SEM1: variants seen among roughly 807,000 people sequenced by gnomAD.
The protein encoded by SEM1 is 26S proteasome complex subunit SEM1.
Under a neutral mutation model 12.7 loss-of-function variants are expected in SEM1, and 3 were observed. The observed-to-expected ratio is 0.24, with a 90% CI of 0.11 to 0.61. SEM1 has a LOEUF of 0.61. Among genes scored for constraint, SEM1 ranks in the 20% least tolerant of loss-of-function variants. The probability of loss-of-function intolerance (pLI) is 0.88; values close to 1 mark genes in which losing one functional copy is unlikely to be tolerated. For missense variants in SEM1, 59 were observed against 81.3 expected, an observed-to-expected ratio of 0.73 and a Z score of 1.06; for synonymous variants, 30 against 27.8, an observed-to-expected ratio of 1.08 and a Z score of -0.25.
At chr7:96,705,266 T>C (rs775303464) in intron 1 of SEM1, among the ~76,000 whole-genome samples, 1 of 151,352 alleles carries the variant, frequency 6.6e-6, no homozygotes, top group Non-Finnish European at 1.5e-5. Flanking sequence ...AGAAAAAGTA[T>C]AGAATACTTA....
intron 2 of SEM1, among the ~76,000 whole-genome samples, chr7:96,536,405 G>A (rs1804786245): frequency 6.6e-6 from 1 of 151,738 alleles, no homozygotes; most frequent in African/African-American, 2.4e-5. Flanking sequence ...ATTGGTAGGA[G>A]CATTCTATAG....
At chr7:96,583,068 G>A (rs1329293658) in intron 2 of SEM1, among the ~76,000 whole-genome samples, 1 of 152,062 alleles carries the variant, frequency 6.6e-6, no homozygotes, top group African/African-American at 2.4e-5. Flanking sequence ...TGATGTTAGG[G>A]TGTCAATTTG....
intron 2 of SEM1, among the ~76,000 whole-genome samples, chr7:96,607,974 G>A (rs755824390): frequency 5.9e-5 from 9 of 152,158 alleles, no homozygotes; most frequent in Non-Finnish European, 1.3e-4. Flanking sequence ...TCCCCTTGAG[G>A]GACTCAGGGG....
At chr7:96,615,241 C>T (rs10247031) in intron 2 of SEM1, among the ~76,000 whole-genome samples, 67,477 of 122,208 alleles carry the variant, frequency 0.55, 20,055 homozygotes, top group East Asian at 0.81. Flanking sequence ...TTTGAGTCAT[C>T]TTTTTTTTTT....
At chr7:96,622,394 T>G (rs1478216879), downstream of SEM1, 3 of 506,014 alleles carry the variant, frequency 5.9e-6, no homozygotes, top group Non-Finnish European at 1.1e-5. Context: ...TGAGAAAAAT[T>G]TCTCTTGTAT....
chr7:96,606,067 A>G (rs898081773), intron 2 of SEM1, among the ~76,000 whole-genome samples: 1 of 152,194 alleles, frequency 6.6e-6, no homozygotes, highest in Non-Finnish European at 1.5e-5. Flanking sequence ...ACAGTGCAAA[A>G]GTAGCAATGT....
chr7:96,699,143 A>G (rs1790193296), intron 1 of SEM1, among the ~76,000 whole-genome samples: 1 of 152,112 alleles, frequency 6.6e-6, no homozygotes, highest in Non-Finnish European at 1.5e-5. Flanking sequence ...CATATTCTTA[A>G]GACACGCATG....
chr7:96,510,559 T>C (rs556778576), intron 2 of SEM1, among the ~76,000 whole-genome samples: 4 of 152,306 alleles, frequency 2.6e-5, no homozygotes, highest in Non-Finnish European at 5.9e-5. Flanking sequence ...AGCATGGTTA[T>C]GTAACACATG....
Position 96,688,957 on chromosome 7 carries a change from T to C in SEM1, c.180A>G (p.Leu60=), listed in dbSNP as rs202151961. ...TCTCCATCTTATAACCATGTTTCTC[T>C]AGTTCAGCTCTAAGATAAAACAGAA... ...DDFSNQLRAE[L]EKHGYKMETS is the part of the protein sequence containing the mutation. The change falls in exon 3 of 3, where the codon CTA becomes CTG. Residue 60 remains leucine (L), a synonymous_variant. Transcript: ENST00000248566. 2.1e-5 allele frequency: 33 copies of C among 1,588,084 alleles called. No individual in the cohort carries two copies. The highest frequency in any genetic ancestry group is 2.9e-5 in the Non-Finnish European group (33 of 1,157,686).
intron 2 of SEM1, among the ~76,000 whole-genome samples, chr7:96,609,232 T>G (rs944834199): frequency 2.0e-5 from 3 of 152,184 alleles, no homozygotes; most frequent in Non-Finnish European, 1.5e-5. Flanking sequence ...AGTGTGCCAT[T>G]GCTTCTTAAT....
At chr7:96,571,011 G>T (rs1051389479) in intron 2 of SEM1, among the ~76,000 whole-genome samples, 1 of 149,152 alleles carries the variant, frequency 6.7e-6, no homozygotes, top group African/African-American at 2.5e-5. Context: ...GTCTTCTTCT[G>T]AGAAGTGGCT....
At chr7:96,486,250 C>A (rs1395596316) in exon 2 of SEM1, 1 of 1,536,922 alleles carries the variant, frequency 6.5e-7, no homozygotes, top group East Asian at 2.4e-5. Context: ...TGGGCATCTC[C>A]AAGTTTATCT....
chr7:96,611,512 G>A (rs1342170723), intron 2 of SEM1, among the ~76,000 whole-genome samples: 1 of 152,188 alleles, frequency 6.6e-6, no homozygotes, highest in Non-Finnish European at 1.5e-5. Flanking sequence ...TGCTTAGAGT[G>A]AAGAGGAAGG....
intron 2 of SEM1, among the ~76,000 whole-genome samples, chr7:96,587,096 T>G (rs6959014): frequency 6.6e-6 from 1 of 151,934 alleles, no homozygotes; most frequent in Non-Finnish European, 1.5e-5. Flanking sequence ...AAAAACAATA[T>G]CATAGTCAAA....
At chr7:96,686,586 T>C (rs992752112), downstream of SEM1, among the ~76,000 whole-genome samples, 3 of 152,192 alleles carry the variant, frequency 2.0e-5, no homozygotes, top group Admixed American at 1.3e-4. Flanking sequence ...CATAGCTGCC[T>C]GTGCTTCATT....
intron 2 of SEM1, among the ~76,000 whole-genome samples, chr7:96,629,585 G>C (rs1424288904): frequency 2.0e-5 from 3 of 151,974 alleles, no homozygotes; most frequent in Non-Finnish European, 4.4e-5. Context: ...CAGCTATTTT[G>C]AATTCTCTGT....
chr7:96,658,726 A>G (rs931225475), intron 2 of SEM1, among the ~76,000 whole-genome samples: 4 of 151,932 alleles, frequency 2.6e-5, no homozygotes, highest in African/African-American at 9.7e-5. Flanking sequence ...CTTTGGGGCT[A>G]CTCCCTGTGC....
intron 2 of SEM1, among the ~76,000 whole-genome samples, chr7:96,528,894 C>T (rs1584739898): frequency 6.6e-6 from 1 of 152,056 alleles, no homozygotes; most frequent in East Asian, 1.9e-4. Context: ...AAATATATAC[C>T]ATTTGATAAC....
At chr7:96,593,485 C>T (rs151075219) in intron 2 of SEM1, among the ~76,000 whole-genome samples, 1 of 152,226 alleles carries the variant, frequency 6.6e-6, no homozygotes, top group East Asian at 1.9e-4. Flanking sequence ...GTATGTTGGC[C>T]TGTTCCCCAA....
Sources: allele counts gnomAD v4.1 joint callset (sites outside exome capture counted in the v4.1 genomes callset), GRCh38; gene constraint gnomAD v4.1.1; transcripts MANE v1.5; gene names NCBI Gene and HGNC (gene_info 2026-07-23, HGNC 2026-07-21).